ENO3: variants seen among roughly 807,000 people sequenced by gnomAD.
The protein encoded by ENO3 is beta-enolase.
A neutral mutation model predicts 47.7 loss-of-function variants in ENO3; 46 were observed. The ratio of observed to expected loss-of-function variants is 0.96; its 90% CI spans 0.76 to 1.23. The LOEUF (loss-of-function observed/expected upper bound fraction) is 1.23, where lower values mean the gene tolerates loss of function less well. Ranked by LOEUF, ENO3 falls within the 50% of genes most tolerant of loss-of-function variation. The pLI, the probability that ENO3 is intolerant of heterozygous loss-of-function variation, is 0.00. For synonymous variants in ENO3, 223 were observed against 225.9 expected (o/e 0.99, Z 0.11); for missense variants, 575 against 566.2 (o/e 1.02, Z -0.16).
rs369343348 is a variant in ENO3 at position 4,957,014 on chromosome 17, T to C, written c.1272T>C (p.Ala424=). 1.4e-5 allele frequency: 22 copies of C among 1,614,098 alleles called. No individual in the cohort carries two copies. Among genetic ancestry groups the C allele is most frequent in the Non-Finnish European group, 1.9e-5 (22 of 1,180,040 alleles). ...CTCTTGGGGACAAGGCAATCTTTGC[T>C]GGACGCAAGTTCCGTAACCCGAAGG... ...EEALGDKAIF[A]GRKFRNPKAK is the part of the protein sequence containing the mutation. The change falls in exon 12 of 12, where the codon GCT becomes GCC. Residue 424 remains alanine (A), a synonymous_variant. Coordinates refer to ENST00000519602, the MANE Select transcript of ENO3 (RefSeq NM_053013.4).
Position 4,953,751 on chromosome 17 carries a change from C to T in ENO3, c.350C>T (p.Ala117Val). The T allele has an allele frequency of 6.2e-7, 1 of 1,614,248 alleles. No individual in the cohort carries two copies. The highest frequency in any genetic ancestry group is 8.5e-7 in the Non-Finnish European group (1 of 1,180,038). The change falls in exon 6 of 12, where the codon GCC (alanine) becomes GTC (valine). Residue 117 changes from alanine (A) to valine (V), a missense_variant. Transcript: ENST00000519602. ...GANAILGVSL[A>V]VCKAGAAEKG... ...AATGCCATCCTGGGCGTGTCCTTGG[C>T]CGTGTGTAAGGCGGGAGCAGCTGAG...
At chr17:4,954,034 C>G (rs1367024235) in intron 6 of ENO3, 189 bp downstream of exon 6, 1 of 851,428 alleles carries the variant, frequency 1.2e-6, no homozygotes, top group Admixed American at 2.2e-5. Flanking sequence ...CCTGAAGGCT[C>G]TATGTGCTTC....
intron 6 of ENO3, 65 bp from the exon 7 acceptor site, chr17:4,955,010 C>CT: frequency 1.3e-6 from 2 of 1,503,472 alleles, no homozygotes; most frequent in Non-Finnish European, 1.8e-6. Context: ...CAACACCCCC[C>CT]GCCCCTGTCC....
At chr17:4,954,145 G>A (rs1971645888) in intron 6 of ENO3, 4 of 478,980 alleles carry the variant, frequency 8.4e-6, no homozygotes, top group Admixed American at 3.6e-5. Context: ...CATATTGAGA[G>A]TTTCTTTGAG....
rs538842297 is a variant in ENO3, at chr17:4,954,020, C to T, written c.444+175C>T. The T allele has an allele frequency of 3.3e-4, 332 of 993,906 alleles. 7 individuals carry two copies. In the South Asian group the frequency reaches 4.6e-3, roughly 14 times the overall value. 61.6% of individuals were successfully genotyped at this position (993,906 alleles called of 1,614,324 possible). On this transcript the variant is annotated intron_variant, in intron 6 of 11. Coordinates refer to ENST00000519602, the MANE Select transcript of ENO3 (RefSeq NM_053013.4). ...CCTCCCTCTCTTCCACAATCCAAAC[C>T]TTCCCTGAAGGCTCTATGTGCTTCC...
rs772499633 is a variant in ENO3, at chr17:4,955,578, A to G, written c.839A>G (p.Tyr280Cys). 6 of 1,614,256 alleles carry G rather than the reference A, an allele frequency of 3.7e-6. No individual in the cohort carries two copies. Among genetic ancestry groups the G allele is most frequent in the Non-Finnish European group, 5.1e-6 (6 of 1,180,040 alleles). Reference protein sequence around the residue: ...HITGEKLGELYKSFIKNYPVV... With the variant: ...HITGEKLGELCKSFIKNYPVV... The stretch of plus-strand genomic sequence containing the variant: ...ACTGGGGAGAAGCTCGGAGAGCTGT[A>G]TAAGAGCTTTATCAAGAACTATCCT... The change falls in exon 8 of 12, where the codon TAT becomes TGT. Residue 280 changes from tyrosine to cysteine, a missense_variant. Coordinates refer to ENST00000519602, the MANE Select transcript of ENO3 (RefSeq NM_053013.4).
upstream of ENO3, chr17:4,950,705 C>A: frequency 1.0e-6 from 1 of 979,976 alleles, no homozygotes; most frequent in Non-Finnish European, 1.2e-6. Flanking sequence ...GCCCAGCGAT[C>A]TGAGCATGTG....
chr17:4,951,735 T>G (rs1247687672), intron 1 of ENO3, 93 bp from the exon 2 acceptor site: 4 of 1,411,214 alleles, frequency 2.8e-6, no homozygotes, highest in Non-Finnish European at 4.0e-6. Flanking sequence ...AGCACCTGCC[T>G]TCTTGGAGTG....
At chr17:4,949,612 G>C (rs1289095270), upstream of ENO3, among the ~76,000 whole-genome samples, 1 of 147,798 alleles carries the variant, frequency 6.8e-6, no homozygotes, top group South Asian at 2.2e-4. Flanking sequence ...CACCTGGGGA[G>C]GGCGGGACGG....
At position 4,951,725 on chromosome 17, in the gene ENO3, A is replaced by G; in HGVS notation, c.-2-103A>G. ...CTTTTTGTAGGGTATTTTTAGCTCC[A>G]GCACCTGCCTTCTTGGAGTGGGGAA... On this transcript the variant is annotated intron_variant, in intron 1 of 11. Coordinates refer to ENST00000519602, the MANE Select transcript of ENO3 (RefSeq NM_053013.4). The G allele has an allele frequency of 7.7e-6, 10 of 1,303,846 alleles. No homozygotes were observed. The East Asian group carries it at 9.3e-5, about 12-fold the overall frequency. 80.8% of individuals were successfully genotyped at this position (1,303,846 alleles called of 1,614,324 possible).
Position 4,953,745 on chromosome 17 carries a change from C to G in ENO3, c.344C>G (p.Ser115Cys). ...GGGGCCAATGCCATCCTGGGCGTGT[C>G]CTTGGCCGTGTGTAAGGCGGGAGCA... ...KFGANAILGV[S>C]LAVCKAGAAE... The change falls in exon 6 of 12, where the codon TCC becomes TGC. Residue 115 changes from serine to cysteine, a missense_variant. Transcript: ENST00000519602. 1 of 1,614,246 alleles carries G rather than the reference C, an allele frequency of 6.2e-7. No individual in the cohort carries two copies. The highest frequency in any genetic ancestry group is 8.5e-7 in the Non-Finnish European group (1 of 1,180,046).
intron 2 of ENO3, chr17:4,952,430 G>A (rs911072926): frequency 1.5e-5 from 5 of 340,558 alleles, no homozygotes; most frequent in East Asian, 7.8e-5. Flanking sequence ...TGCAAGCTCC[G>A]CCTCCCGGGT....
intron 6 of ENO3, 122 bp from the exon 7 acceptor site, chr17:4,954,953 C>T (rs185502384): frequency 2.8e-6 from 2 of 714,718 alleles, no homozygotes; most frequent in Non-Finnish European, 4.6e-6. Flanking sequence ...CAAAACTACT[C>T]ATCCTAGACC....
At chr17:4,953,918 C>A in intron 6 of ENO3, 73 bp downstream of exon 6, 2 of 1,609,400 alleles carry the variant, frequency 1.2e-6, no homozygotes, top group Non-Finnish European at 1.7e-6. Flanking sequence ...GGTTGGCCCC[C>A]CTGGAAAATC....
intron 1 of ENO3, 26 bp from the exon 2 acceptor site, chr17:4,951,802 A>C (rs1163968427): frequency 6.2e-7 from 1 of 1,611,224 alleles, no homozygotes; most frequent in Non-Finnish European, 8.5e-7. Context: ...AACTGTCTAC[A>C]CTCACTCACA....
At chr17:4,952,749 AC>A (rs745799913) in intron 2 of ENO3, 45 bp from the exon 3 acceptor site, 2 of 1,561,530 alleles carry the variant, frequency 1.3e-6, no homozygotes, top group Non-Finnish European at 1.7e-6. Context: ...GGCATGGGCC[AC>A]CGCGCCCAGC....
intron 3 of ENO3, 33 bp from the exon 4 acceptor site, chr17:4,953,018 T>C (rs1332788363): frequency 6.2e-7 from 1 of 1,612,776 alleles, no homozygotes; most frequent in Admixed American, 1.7e-5. Flanking sequence ...CCCAGTTGAT[T>C]GAGCTCCAAA....
chr17:4,957,116 C>T lies in ENO3; in HGVS notation c.*69C>T. 2 of 1,589,960 alleles carry T rather than the reference C, an allele frequency of 1.3e-6. No homozygotes were observed. Among genetic ancestry groups the T allele is most frequent in the Non-Finnish European group, 1.7e-6 (2 of 1,160,134 alleles). ...CCAGACCTGCTTCCTGAAATAAACA[C>T]TGGTGCCAACCAAGACAGCTGTGTG... On this transcript the variant is annotated 3_prime_UTR_variant, in exon 12 of 12. Transcript: ENST00000519602.
chr17:4,956,811 A>C lies in ENO3; in HGVS notation c.1177-20A>C. On this transcript the variant is annotated intron_variant, in intron 10 of 11. Coordinates refer to ENST00000519602, the MANE Select transcript of ENO3 (RefSeq NM_053013.4). ...CTTTCCAGCCTCACCTAACCCTCCA[A>C]ATTCTTCTTCCCTCATCAGATCAAG... The C allele has an allele frequency of 6.2e-7, 1 of 1,614,124 alleles. No homozygotes were observed. Among genetic ancestry groups the C allele is most frequent in the South Asian group, 1.1e-5 (1 of 91,076 alleles).
Sources: gnomAD v4.1 joint callset for allele counts (sites outside exome capture counted in the v4.1 genomes callset) on GRCh38, gnomAD v4.1.1 for gene constraint, MANE v1.5 for transcripts, NCBI Gene and HGNC (gene_info 2026-07-23, HGNC 2026-07-21) for gene names.